Variants in CYP19A1 observed in about 807,000 individuals in gnomAD.
CYP19A1 encodes cytochrome P450 family 19 subfamily A member 1, also known as aromatase.
In CYP19A1, 32 loss-of-function variants were observed where a neutral mutation model predicts 44.4. That is an observed-to-expected ratio of 0.72 (90% CI 0.54 to 0.97). The LOEUF (loss-of-function observed/expected upper bound fraction) is 0.97, where lower values mean the gene tolerates loss of function less well. CYP19A1 is among the 50% of genes least tolerant of loss of function. CYP19A1 has a pLI of 0.00. For missense variants in CYP19A1, 598 were observed against 637.8 expected, an observed-to-expected ratio of 0.94 and a Z score of 0.67; for synonymous variants, 212 against 215.6, an observed-to-expected ratio of 0.98 and a Z score of 0.14.
intron 6 of CYP19A1, 160 bp from the exon 7 acceptor site, chr15:51,215,977 TA>T (rs1284896596): frequency 7.2e-5 from 97 of 1,350,298 alleles, no homozygotes; most frequent in Non-Finnish European, 8.8e-5. Context: ...TAAATACCCT[TA>T]AATTACATAG....
intron 1 of CYP19A1, among the ~76,000 whole-genome samples, chr15:51,304,498 G>A (rs1371869463): frequency 6.6e-6 from 1 of 152,114 alleles, no homozygotes; most frequent in Admixed American, 6.5e-5. Context: ...TCCAACCCAA[G>A]CCCACTCCCA....
At chr15:51,229,190 T>C (rs893705102) in intron 3 of CYP19A1, among the ~76,000 whole-genome samples, 3 of 152,148 alleles carry the variant, frequency 2.0e-5, no homozygotes, top group Admixed American at 6.6e-5. Context: ...CCTGAAATAA[T>C]GGTAGTGTCA....
chr15:51,274,007 A>T (rs1595745552), intron 1 of CYP19A1, among the ~76,000 whole-genome samples: 1 of 22,560 alleles, frequency 4.4e-5, no homozygotes. Context: ...ATTTTGTCAC[A>T]CACACACACA....
chr15:51,285,628 G>A (rs561818706), intron 1 of CYP19A1, among the ~76,000 whole-genome samples: 48 of 152,194 alleles, frequency 3.2e-4, no homozygotes, highest in African/African-American at 1.1e-3. Flanking sequence ...AGCTTAAACT[G>A]GAAAAACATG....
At chr15:51,243,133 T>C (rs1306802061) in intron 1 of CYP19A1, 183 bp from the exon 2 acceptor site, 1 of 539,614 alleles carries the variant, frequency 1.9e-6, no homozygotes, top group Non-Finnish European at 3.4e-6. Flanking sequence ...AAAGATCTTT[T>C]GGCTTGAATT....
chr15:51,334,545 G>A (rs1440883187), intron 1 of CYP19A1, among the ~76,000 whole-genome samples: 1 of 152,200 alleles, frequency 6.6e-6, no homozygotes, highest in Non-Finnish European at 1.5e-5. Flanking sequence ...AAATTCATGA[G>A]CCATTCTCAT....
At chr15:51,236,548 C>T (rs989162916) in intron 3 of CYP19A1, among the ~76,000 whole-genome samples, 1 of 152,126 alleles carries the variant, frequency 6.6e-6, no homozygotes, top group South Asian at 2.1e-4. Flanking sequence ...AAGATAACAC[C>T]TCTCCCTAAA....
At chr15:51,222,576 C>CAA (rs1566876495) in intron 4 of CYP19A1, 51 bp from the exon 5 acceptor site, 1 of 1,475,812 alleles carries the variant, frequency 6.8e-7, no homozygotes, top group Admixed American at 1.8e-5. Flanking sequence ...AGGGCACACA[C>CAA]ACAATCATGC....
chr15:51,337,407 C>T (rs1214537796), intron 1 of CYP19A1, among the ~76,000 whole-genome samples: 2 of 152,228 alleles, frequency 1.3e-5, no homozygotes, highest in East Asian at 1.9e-4. Flanking sequence ...TATACAAGTG[C>T]TTTACAAGTA....
chr15:51,309,321 A>G (rs561691968), intron 1 of CYP19A1, among the ~76,000 whole-genome samples: 1 of 152,214 alleles, frequency 6.6e-6, no homozygotes, highest in Non-Finnish European at 1.5e-5. Context: ...CAGAACAATG[A>G]GAAATAAATG....
chr15:51,283,582 A>G (rs959503007), intron 1 of CYP19A1, among the ~76,000 whole-genome samples: 2 of 152,236 alleles, frequency 1.3e-5, no homozygotes, highest in South Asian at 4.1e-4. Flanking sequence ...AGGAAAGAAT[A>G]TGCCCCATTT....
At position 51,307,882 on chromosome 15, in the gene CYP19A1, C is replaced by T. The variant is rs183452127; in HGVS notation, c.-39+30613G>A. 3.9e-3 allele frequency among the ~76,000 whole-genome samples: 597 copies of T among 152,236 alleles called. 1 individual carries two copies. The highest frequency in any genetic ancestry group is 5.6e-3 in the Non-Finnish European group (379 of 68,014). The stretch of plus-strand genomic sequence containing the variant: ...CCTAGAGATCACTGAAGTGAAGGAC[C>T]GGAGACACTAAAGCTAAGAGTTAAC... On this transcript the variant is annotated intron_variant, in intron 1 of 9. Transcript: ENST00000396402.
rs765057534 is a variant in CYP19A1, at chr15:51,222,402, C to T, written c.575G>A (p.Arg192His). 3.1e-6 allele frequency: 5 copies of T among 1,614,178 alleles called. No individual in the cohort carries two copies. The highest frequency in any genetic ancestry group is 4.2e-6 in the Non-Finnish European group (5 of 1,180,018). ...GTTAGAGGTGTCCAGCATGACACGACGCAGAAGGGTCAACACGTCCACATA... is the reference window on the plus strand; with the variant it reads ...GTTAGAGGTGTCCAGCATGACACGATGCAGAAGGGTCAACACGTCCACATA... ...SGYVDVLTLL[R>H]RVMLDTSNTL... Residue 192 changes from arginine (R) to histidine (H), a missense_variant, in exon 5 of 10, where the codon CGT becomes CAT. Physicochemically the swap from Arg to His is conservative, Grantham distance 29. Transcript: ENST00000396402.
At chr15:51,310,218 A>C (rs1271178067) in intron 1 of CYP19A1, among the ~76,000 whole-genome samples, 1 of 152,194 alleles carries the variant, frequency 6.6e-6, no homozygotes, top group African/African-American at 2.4e-5. Flanking sequence ...CTCTTAACAA[A>C]ATACAAAAAA....
intron 1 of CYP19A1, among the ~76,000 whole-genome samples, chr15:51,301,517 C>A (rs1054668165): frequency 2.6e-5 from 4 of 152,216 alleles, no homozygotes; most frequent in Non-Finnish European, 5.9e-5. Flanking sequence ...CCCAAGGGGT[C>A]TTAGGATTGG....
At chr15:51,278,228 G>C (rs1351237715) in intron 1 of CYP19A1, 1 of 152,088 alleles carries the variant, frequency 6.6e-6, no homozygotes, top group East Asian at 1.9e-4. Context: ...GCCAAATTTT[G>C]TCATTTCAGC....
intron 1 of CYP19A1, among the ~76,000 whole-genome samples, chr15:51,263,011 G>T (rs2034788403): frequency 6.6e-6 from 1 of 152,144 alleles, no homozygotes; most frequent in Non-Finnish European, 1.5e-5. Flanking sequence ...TTAAACCAGG[G>T]ACCTAAATTT....
At chr15:51,246,311 G>C (rs751259335) in intron 1 of CYP19A1, among the ~76,000 whole-genome samples, 1 of 152,014 alleles carries the variant, frequency 6.6e-6, no homozygotes, top group Non-Finnish European at 1.5e-5. Flanking sequence ...CTATGCATTT[G>C]CCAGGCCGTC....
intron 1 of CYP19A1, among the ~76,000 whole-genome samples, chr15:51,291,022 C>T (rs756420804): frequency 2.0e-5 from 3 of 152,196 alleles, no homozygotes; most frequent in Non-Finnish European, 4.4e-5. Flanking sequence ...ACACGGGCTA[C>T]CCTGGTTACC....
Sources: allele counts gnomAD v4.1 joint callset (sites outside exome capture counted in the v4.1 genomes callset), GRCh38; gene constraint gnomAD v4.1.1; transcripts MANE v1.5; gene names NCBI Gene and HGNC (gene_info 2026-07-23, HGNC 2026-07-21).